SFI1: variants seen among roughly 807,000 people sequenced by gnomAD.
SFI1 encodes the protein SFI1 centrin binding protein, also known as protein SFI1 homolog.
A neutral mutation model predicts 207.5 loss-of-function variants in SFI1; 195 were observed. That is an observed-to-expected ratio of 0.94 (90% CI 0.84 to 1.06). SFI1 has a LOEUF of 1.06. Among genes scored for constraint, SFI1 ranks in the 50% least tolerant of loss-of-function variants. The pLI is 0.00. For missense variants in SFI1, 1,634 were observed against 1,588.0 expected (o/e 1.03, Z -0.49); for synonymous variants, 630 against 598.9 (o/e 1.05, Z -0.76).
chr22:31,517,431 A>G (rs1457411177), intron 2 of SFI1, among the ~76,000 whole-genome samples: 1 of 152,134 alleles, frequency 6.6e-6, no homozygotes, highest in African/African-American at 2.4e-5. Context: ...TATTTTTTGT[A>G]GAGATGGGCT....
chr22:31,525,422 G>C (rs1029390754), intron 2 of SFI1, among the ~76,000 whole-genome samples: 8 of 151,934 alleles, frequency 5.3e-5, no homozygotes, highest in Admixed American at 3.9e-4. Context: ...AATGTTCTTG[G>C]AGCCTTTGTC....
intron 15 of SFI1, among the ~76,000 whole-genome samples, chr22:31,599,604 A>T (rs1304791491): frequency 6.6e-6 from 1 of 152,184 alleles, no homozygotes; most frequent in Non-Finnish European, 1.5e-5. Context: ...TGCTGGGATT[A>T]CAGGCGTGAG....
chr22:31,608,821 A>G (rs1023140602), intron 22 of SFI1, among the ~76,000 whole-genome samples: 5 of 152,080 alleles, frequency 3.3e-5, no homozygotes, highest in Non-Finnish European at 7.4e-5. Flanking sequence ...GATCTCAGGA[A>G]GTCCTGCTGC....
chr22:31,614,664 G>C (rs1451249205), intron 27 of SFI1, 125 bp from the exon 28 acceptor site: 13 of 1,103,708 alleles, frequency 1.2e-5, no homozygotes, highest in Non-Finnish European at 1.6e-5. Context: ...CAGCTTACTT[G>C]CTGACCTTGG....
At chr22:31,571,957 T>C (rs1274323896) in intron 8 of SFI1, among the ~76,000 whole-genome samples, 1 of 151,998 alleles carries the variant, frequency 6.6e-6, no homozygotes, top group Non-Finnish European at 1.5e-5. Context: ...ATTTCAAAAA[T>C]CTATAGAGAG....
intron 14 of SFI1, chr22:31,587,379 G>A: frequency 3.0e-6 from 1 of 337,912 alleles, no homozygotes; most frequent in Non-Finnish European, 6.5e-6. Context: ...TTGGCTCACT[G>A]CAGCCTCACT....
chr22:31,594,895 C>G (rs1414199525), intron 15 of SFI1, among the ~76,000 whole-genome samples: 3 of 149,586 alleles, frequency 2.0e-5, no homozygotes, highest in Non-Finnish European at 4.4e-5. Flanking sequence ...GCTCAAGGAG[C>G]AGATCTACAT....
chr22:31,610,742 G>T (rs1287180878), intron 22 of SFI1, among the ~76,000 whole-genome samples: 1 of 152,198 alleles, frequency 6.6e-6, no homozygotes, highest in African/African-American at 2.4e-5. Context: ...AAAACAGGCT[G>T]CCCTCTCTTC....
chr22:31,588,532 G>C (rs1181670940), intron 14 of SFI1, among the ~76,000 whole-genome samples: 2 of 152,110 alleles, frequency 1.3e-5, no homozygotes, highest in Middle Eastern at 3.2e-3. Context: ...CTACACATTT[G>C]GGCTGGGCAC....
chr22:31,614,393 C>T (rs576903677), intron 27 of SFI1: 1 of 390,476 alleles, frequency 2.6e-6, no homozygotes, highest in African/African-American at 2.1e-5. Context: ...ACCCGAGAGC[C>T]TTGGGCCTCG....
intron 8 of SFI1, among the ~76,000 whole-genome samples, chr22:31,567,107 G>C (rs922757899): frequency 1.3e-5 from 2 of 151,920 alleles, no homozygotes; most frequent in African/African-American, 4.8e-5. Flanking sequence ...GGGTTTCACC[G>C]TGTTAGCCAG....
intron 27 of SFI1, 100 bp downstream of exon 27, chr22:31,613,955 G>GGTCACGGCCTT: frequency 1.4e-6 from 2 of 1,408,278 alleles, no homozygotes; most frequent in South Asian, 1.5e-5. Context: ...GGGACGGGCT[G>GGTCACGGCCTT]GTCACGGCCT....
intron 8 of SFI1, among the ~76,000 whole-genome samples, chr22:31,563,773 C>G (rs1031245133): frequency 6.6e-6 from 1 of 151,528 alleles, no homozygotes; most frequent in African/African-American, 2.4e-5. Context: ...TTGATAGAGA[C>G]GGGGTTTTGC....
chr22:31,497,065 G>A (rs147725225), intron 1 of SFI1, among the ~76,000 whole-genome samples: 403 of 152,320 alleles, frequency 2.6e-3, no homozygotes, highest in Non-Finnish European at 4.3e-3. Context: ...CTCCCACTGA[G>A]CCCGCAGGGA....
At chr22:31,604,723 C>A in intron 19 of SFI1, 146 bp from the exon 20 acceptor site, 2 of 676,344 alleles carry the variant, frequency 3.0e-6, no homozygotes, top group South Asian at 4.0e-5. Context: ...GTCTGCTGGC[C>A]CTGGGACCAG....
At chr22:31,578,303 C>T (rs2063735410) in intron 10 of SFI1, 79 bp from the exon 11 acceptor site, 2 of 1,382,850 alleles carry the variant, frequency 1.4e-6, no homozygotes, top group Non-Finnish European at 2.0e-6. Flanking sequence ...TAGCCACGGC[C>T]CTTCAAGGTG....
chr22:31,610,188 G>A (rs144074744), intron 22 of SFI1, among the ~76,000 whole-genome samples: 92 of 152,312 alleles, frequency 6.0e-4, no homozygotes, highest in Middle Eastern at 3.4e-3. Context: ...GAGGGACTGA[G>A]GGGAGGATGT....
intron 4 of SFI1, among the ~76,000 whole-genome samples, chr22:31,534,410 AC>A (rs1320306341): frequency 6.6e-6 from 1 of 151,990 alleles, no homozygotes. Flanking sequence ...ACAAATATTT[AC>A]CCTTTCTGTT....
chr22:31,612,790 C>CT (rs1351854405), intron 24 of SFI1: 2 of 243,164 alleles, frequency 8.2e-6, no homozygotes, highest in Non-Finnish European at 1.6e-5. Context: ...TGGGATCTTG[C>CT]TTTTTAAAAA....
Sources: gnomAD v4.1 joint callset for allele counts (sites outside exome capture counted in the v4.1 genomes callset) on GRCh38, gnomAD v4.1.1 for gene constraint, MANE v1.5 for transcripts, NCBI Gene and HGNC (gene_info 2026-07-23, HGNC 2026-07-21) for gene names.